The following RDM1 variants were observed in gnomAD, a reference collection of about 807,000 sequenced individuals.
RDM1 encodes the protein RAD52 motif-containing protein 1.
A neutral mutation model predicts 27.7 loss-of-function variants in RDM1; 28 were observed. The ratio of observed to expected loss-of-function variants is 1.01; its 90% CI spans 0.75 to 1.39. The LOEUF (loss-of-function observed/expected upper bound fraction) is 1.39. Among genes scored for constraint, RDM1 ranks in the 40% most tolerant of loss-of-function variants. The pLI is 0.00. For synonymous variants in RDM1, 124 were observed against 127.5 expected, an observed-to-expected ratio of 0.97 and a Z score of 0.19; for missense variants, 277 against 337.3, an observed-to-expected ratio of 0.82 and a Z score of 1.40.
At chr17:35,927,162 C>T (rs1281874356) in intron 2 of RDM1, among the ~76,000 whole-genome samples, 2 of 151,410 alleles carry the variant, frequency 1.3e-5, no homozygotes, top group South Asian at 2.1e-4. Flanking sequence ...CCCTCTTGGC[C>T]GGGCACGGTG....
intron 5 of RDM1, among the ~76,000 whole-genome samples, chr17:35,921,909 T>C (rs1322761750): frequency 6.6e-6 from 1 of 150,702 alleles, no homozygotes; most frequent in Non-Finnish European, 1.5e-5. Context: ...TAAAATTGCA[T>C]TAAAAAATCT....
intron 2 of RDM1, among the ~76,000 whole-genome samples, chr17:35,928,605 A>G (rs1269699461): frequency 6.6e-6 from 1 of 151,204 alleles, no homozygotes; most frequent in Non-Finnish European, 1.5e-5. Context: ...TCTACCAAAA[A>G]TACAAAATCA....
chr17:35,921,763 G>A (rs913409712), intron 5 of RDM1, among the ~76,000 whole-genome samples: 1 of 152,050 alleles, frequency 6.6e-6, no homozygotes, highest in East Asian at 1.9e-4. Flanking sequence ...GTAGCTCCGA[G>A]TTTTTACATT....
At chr17:35,923,164 G>A (rs567071232) in intron 4 of RDM1, among the ~76,000 whole-genome samples, 5 of 152,064 alleles carry the variant, frequency 3.3e-5, no homozygotes, top group Non-Finnish European at 7.4e-5. Flanking sequence ...CAGCCTGGCG[G>A]ACATGGTGAA....
chr17:35,918,242 A>G lies in RDM1; in HGVS notation c.*100T>C. On this transcript the variant is annotated 3_prime_UTR_variant, in exon 7 of 7. Transcript: ENST00000620284. The stretch of plus-strand genomic sequence containing the variant: ...TTGGGCGGCCGACCCAGGTGGTTCC[A>G]GGACTCCAGCAGCCTATAGTGGTGG... The G allele has an allele frequency of 1.0e-6, 1 of 1,000,568 alleles. No homozygotes were observed. The highest frequency in any genetic ancestry group is 1.5e-6 in the Non-Finnish European group (1 of 648,586). The allele number at this position is 1,000,568 out of a possible 1,614,324, so 62.0% of individuals were successfully genotyped here. A position where few individuals can be genotyped will look rare whatever the true frequency, so the allele number is the denominator to read the frequency against.
intron 2 of RDM1, among the ~76,000 whole-genome samples, chr17:35,927,115 CAAAAAAAAAAAAAAA>C (rs955692533): frequency 5.3e-5 from 4 of 75,474 alleles, no homozygotes; most frequent in African/African-American, 2.0e-4. Context: ...TTCATTTCAC[CAAAAAAAAAAAAAAA>C]AAAAAAAAAA....
At chr17:35,930,580 C>A in intron 1 of RDM1, 52 bp downstream of exon 1, 1 of 1,544,912 alleles carries the variant, frequency 6.5e-7, no homozygotes, top group Non-Finnish European at 8.8e-7. Context: ...AACTCCCAGT[C>A]AGCGGGTGGG....
intron 3 of RDM1, among the ~76,000 whole-genome samples, 188 bp from the exon 4 acceptor site, chr17:35,924,960 T>G (rs1308534425): frequency 6.6e-6 from 1 of 151,508 alleles, no homozygotes; most frequent in Non-Finnish European, 1.5e-5. Context: ...ATGGTGAAAC[T>G]CCGTCTCTAC....
At chr17:35,923,684 C>G (rs1189079213) in intron 4 of RDM1, among the ~76,000 whole-genome samples, 1 of 151,986 alleles carries the variant, frequency 6.6e-6, no homozygotes, top group Non-Finnish European at 1.5e-5. Flanking sequence ...AACTTTGGTA[C>G]AGATAATCTG....
chr17:35,926,273 T>C (rs1309963853), intron 2 of RDM1, among the ~76,000 whole-genome samples: 1 of 152,266 alleles, frequency 6.6e-6, no homozygotes, highest in Non-Finnish European at 1.5e-5. Flanking sequence ...TCCATTTTTG[T>C]GGATTTCTTA....
In RDM1 at chr17:35,924,960, TC is replaced by T. The variant is rs369287771; in HGVS notation, c.400-189del. Among the ~76,000 whole-genome samples, 19 of 151,624 alleles carry T rather than the reference TC, an allele frequency of 1.3e-4. No homozygotes were observed. In the East Asian group the frequency reaches 3.5e-3, roughly 28 times the overall value. ...ACCATCCTGGCCAACATGGTGAAAC[TC>T]CGTCTCTACTAAAAATACAAAAATT... On this transcript the variant is annotated intron_variant, in intron 3 of 6. Coordinates refer to ENST00000620284, the MANE Select transcript of RDM1 (RefSeq NM_145654.4).
At chr17:35,926,353 CAAAT>C (rs1260654259) in intron 2 of RDM1, among the ~76,000 whole-genome samples, 3 of 151,788 alleles carry the variant, frequency 2.0e-5, no homozygotes, top group Non-Finnish European at 4.4e-5. Context: ...TCAAATGATA[CAAAT>C]AAAGTCAAAT....
chr17:35,924,042 C>T (rs2089046572), intron 4 of RDM1, among the ~76,000 whole-genome samples: 1 of 151,586 alleles, frequency 6.6e-6, no homozygotes, highest in Admixed American at 6.6e-5. Flanking sequence ...AGAAAGACCC[C>T]ATCTCTAAAA....
chr17:35,928,931 C>T (rs2089238544), intron 2 of RDM1, among the ~76,000 whole-genome samples: 1 of 151,800 alleles, frequency 6.6e-6, no homozygotes, highest in Non-Finnish European at 1.5e-5. Context: ...AAAAATTAGC[C>T]AGGTGTGGTG....
chr17:35,925,675 C>A lies in RDM1; in HGVS notation c.277-38G>T, dbSNP rs752215345. On this transcript the variant is annotated intron_variant, in intron 2 of 6. Transcript: ENST00000620284. ...GAGATAGACCCATAAATATCACAAC[C>A]GCTAGAGATTTTATTTTGGATAGAT... The A allele has an allele frequency of 7.6e-6, 12 of 1,571,450 alleles. 1 individual carries two copies. In the Admixed American group the frequency reaches 9.3e-5, roughly 12 times the overall value.
intron 1 of RDM1, 182 bp downstream of exon 1, chr17:35,930,450 T>A: frequency 1.1e-6 from 1 of 894,458 alleles, no homozygotes; most frequent in East Asian, 2.6e-5. Flanking sequence ...GGTGGAGAGA[T>A]ACCTCTCCGG....
intron 5 of RDM1, 120 bp from the exon 6 acceptor site, chr17:35,920,392 A>T (rs2088898340): frequency 4.5e-6 from 2 of 444,758 alleles, no homozygotes; most frequent in South Asian, 4.0e-5. Flanking sequence ...AAATAAGAGC[A>T]TTTTCCTGGA....
At position 35,926,975 on chromosome 17, in the gene RDM1, G is replaced by A. The variant is rs76744568; in HGVS notation, c.277-1338C>T. Among the ~76,000 whole-genome samples the A allele has an allele frequency of 8.1e-3, 1,233 of 152,114 alleles. 48 individuals are homozygous for A. Among genetic ancestry groups the A allele is most frequent in the Admixed American group, 0.055 (841 of 15,270 alleles). Reference sequence around the variant, plus strand: ...CAGTTTTTAAACGTTGAGTGCCACTGGCGAGACCGGCCTGTATCGTGAGTC... The same window carrying A: ...CAGTTTTTAAACGTTGAGTGCCACTAGCGAGACCGGCCTGTATCGTGAGTC... On this transcript the variant is annotated intron_variant, in intron 2 of 6. Transcript: ENST00000620284.
intron 2 of RDM1, among the ~76,000 whole-genome samples, chr17:35,926,650 C>A (rs773635512): frequency 6.6e-6 from 1 of 152,160 alleles, no homozygotes; most frequent in Non-Finnish European, 1.5e-5. Flanking sequence ...GTGATCTGCC[C>A]GCCTCGGCCT....
Sources: allele counts gnomAD v4.1 joint callset (sites outside exome capture counted in the v4.1 genomes callset), GRCh38; gene constraint gnomAD v4.1.1; transcripts MANE v1.5; gene names NCBI Gene and HGNC (gene_info 2026-07-23, HGNC 2026-07-21).